The following STK32B variants were observed in gnomAD, a reference collection of about 807,000 sequenced individuals.
STK32B encodes serine/threonine kinase 32B.
In STK32B, 43 loss-of-function variants were observed where a neutral mutation model predicts 52.6. The observed-to-expected ratio is 0.82, with a 90% CI of 0.64 to 1.05. The LOEUF is 1.05. STK32B is among the 50% of genes least tolerant of loss of function. The pLI is 0.00. For missense variants in STK32B, 621 were observed against 534.6 expected, an observed-to-expected ratio of 1.16 and a Z score of -1.59; for synonymous variants, 238 against 204.3, an observed-to-expected ratio of 1.17 and a Z score of -1.41.
At chr4:5,260,715 A>G (rs1296171378) in intron 3 of STK32B, among the ~76,000 whole-genome samples, 5 of 152,208 alleles carry the variant, frequency 3.3e-5, no homozygotes, top group Non-Finnish European at 7.3e-5. Context: ...CTGGAGAAGT[A>G]GCCTGTGTTG....
chr4:5,289,582 C>A (rs1285296328), intron 3 of STK32B, among the ~76,000 whole-genome samples: 2 of 151,180 alleles, frequency 1.3e-5, no homozygotes, highest in East Asian at 3.9e-4. Context: ...TTACACCCAA[C>A]AAAATGGCTC....
At chr4:5,307,730 C>T (rs1303910827) in intron 3 of STK32B, among the ~76,000 whole-genome samples, 1 of 152,024 alleles carries the variant, frequency 6.6e-6, no homozygotes, top group Non-Finnish European at 1.5e-5. Context: ...ACCATATTTT[C>T]TGGTTCCTTC....
chr4:5,179,554 TGATA>T (rs914503857), intron 3 of STK32B, among the ~76,000 whole-genome samples: 2 of 152,116 alleles, frequency 1.3e-5, no homozygotes, highest in African/African-American at 4.8e-5. Context: ...GATTAACAGA[TGATA>T]GATATAGATG....
At chr4:5,111,359 A>G (rs138109035) in intron 1 of STK32B, among the ~76,000 whole-genome samples, 1 of 152,232 alleles carries the variant, frequency 6.6e-6, no homozygotes, top group East Asian at 1.9e-4. Flanking sequence ...CACAGAACCA[A>G]TCTAAGTGTC....
At chr4:5,480,102 A>G (rs1718566153) in intron 11 of STK32B, among the ~76,000 whole-genome samples, 2 of 152,234 alleles carry the variant, frequency 1.3e-5, no homozygotes, top group African/African-American at 4.8e-5. Flanking sequence ...GCACTACCCA[A>G]TGTTTCCTAG....
intron 6 of STK32B, among the ~76,000 whole-genome samples, chr4:5,425,393 T>G (rs1458748485): frequency 6.6e-6 from 1 of 152,234 alleles, no homozygotes. Flanking sequence ...CCAGAGAAAG[T>G]GGCAAAGCTG....
chr4:5,495,270 C>T (rs541323540), intron 11 of STK32B, among the ~76,000 whole-genome samples: 12 of 152,070 alleles, frequency 7.9e-5, no homozygotes, highest in Non-Finnish European at 1.3e-4. Flanking sequence ...AGGCTTTGTT[C>T]GTTTCTTTTT....
chr4:5,249,478 C>A (rs1725745568), intron 3 of STK32B, among the ~76,000 whole-genome samples: 1 of 143,080 alleles, frequency 7.0e-6, no homozygotes, highest in Admixed American at 7.0e-5. Context: ...TTCCTTCCTT[C>A]CTTCCTTCCT....
At chr4:5,094,822 A>G (rs1713291286) in intron 1 of STK32B, among the ~76,000 whole-genome samples, 1 of 152,014 alleles carries the variant, frequency 6.6e-6, no homozygotes, top group African/African-American at 2.4e-5. Flanking sequence ...CGGCGCCCCT[A>G]ACTCCCACAT....
chr4:5,395,201 C>A lies in STK32B; in HGVS notation c.435-3006C>A, dbSNP rs2109041785. 6.6e-6 allele frequency among the ~76,000 whole-genome samples: 1 copy of A among 152,278 alleles called. No homozygotes were observed. The highest frequency in any genetic ancestry group is 2.4e-5 in the African/African-American group (1 of 41,548). ...GTCTTGAGCTCTCACTCCAGTCTGC[C>A]AAGACAGAGTCATATAATGTAACAT... On this transcript the variant is annotated intron_variant, in intron 4 of 11. Coordinates refer to ENST00000282908, the MANE Select transcript of STK32B (RefSeq NM_018401.3). The surrounding 1 kb of genome is among the most constrained non-coding windows in gnomAD (Gnocchi z 4.4).
At chr4:5,281,310 T>C (rs1728183248) in intron 3 of STK32B, among the ~76,000 whole-genome samples, 1 of 152,072 alleles carries the variant, frequency 6.6e-6, no homozygotes, top group Non-Finnish European at 1.5e-5. Context: ...AATAATAACA[T>C]GATGTCCATT....
chr4:5,081,750 G>T (rs1231051311), intron 1 of STK32B, among the ~76,000 whole-genome samples: 2 of 151,870 alleles, frequency 1.3e-5, no homozygotes, highest in African/African-American at 2.4e-5. Context: ...CCATCTCTTT[G>T]TTAAACTTCT....
In STK32B at chr4:5,421,445, G is replaced by T. The variant is rs551499065; in HGVS notation, c.562+4511G>T. 2.2e-4 allele frequency among the ~76,000 whole-genome samples: 34 copies of T among 151,430 alleles called. 1 individual carries two copies. The South Asian group carries it at 6.3e-3, about 28-fold the overall frequency. Reference sequence around the variant, plus strand: ...TTACCACGTTGGCCAGGCTGGTCTTGAACTCCTGACATCAGGTGATCCATC... The same window carrying T: ...TTACCACGTTGGCCAGGCTGGTCTTTAACTCCTGACATCAGGTGATCCATC... On this transcript the variant is annotated intron_variant, in intron 6 of 11. Coordinates refer to ENST00000282908, the MANE Select transcript of STK32B (RefSeq NM_018401.3).
chr4:5,195,010 A>C lies in STK32B; in HGVS notation c.260+26560A>C, dbSNP rs1179086075. Among the ~76,000 whole-genome samples the C allele has an allele frequency of 2.0e-5, 3 of 152,224 alleles. No individual in the cohort carries two copies. The South Asian group carries it at 6.2e-4, about 32-fold the overall frequency. ...CCAACATTGGGGATTATAATTGAACATGAGATGTGGATGGGGACACAGATC... is the reference window on the plus strand; with the variant it reads ...CCAACATTGGGGATTATAATTGAACCTGAGATGTGGATGGGGACACAGATC... On this transcript the variant is annotated intron_variant, in intron 3 of 11. Coordinates refer to ENST00000282908, the MANE Select transcript of STK32B (RefSeq NM_018401.3).
rs1327368215 is a variant in STK32B at position 5,315,791 on chromosome 4, GC to G, written c.261-15427del. On this transcript the variant is annotated intron_variant, in intron 3 of 11. Transcript: ENST00000282908. ...GCAATCTCAGCTCACTGCAACCTCT[GC>G]CTCCTGGGTTCAAGCTATTCTCCTG... 3.3e-5 allele frequency among the ~76,000 whole-genome samples: 5 copies of G among 150,008 alleles called. No individual in the cohort carries two copies. The East Asian group carries it at 1.0e-3, about 30-fold the overall frequency.
At chr4:5,285,094 A>G (rs1280044289) in intron 3 of STK32B, among the ~76,000 whole-genome samples, 1 of 152,228 alleles carries the variant, frequency 6.6e-6, no homozygotes, top group Non-Finnish European at 1.5e-5. Context: ...TAAGATTGTC[A>G]TAATAGCATT....
intron 3 of STK32B, among the ~76,000 whole-genome samples, chr4:5,210,916 C>G (rs1722866714): frequency 2.0e-5 from 3 of 152,028 alleles, no homozygotes; most frequent in African/African-American, 7.2e-5. Context: ...CCACCTCAGC[C>G]CCATGAGTAG....
In STK32B at chr4:5,061,105, A is replaced by G. The variant is rs181657678; in HGVS notation, c.52+9190A>G. Among the ~76,000 whole-genome samples, 61 of 152,302 alleles carry G rather than the reference A, an allele frequency of 4.0e-4. 1 individual carries two copies. The highest frequency in any genetic ancestry group is 1.4e-3 in the African/African-American group (57 of 41,552). On this transcript the variant is annotated intron_variant, in intron 1 of 11. Coordinates refer to ENST00000282908, the MANE Select transcript of STK32B (RefSeq NM_018401.3). ...TCTGACATTTTCCCCTTCTCCTTAC[A>G]TTATCAAACTCAAATTGCAAAAGCA...
intron 4 of STK32B, among the ~76,000 whole-genome samples, chr4:5,371,753 C>G (rs1418860265): frequency 6.6e-6 from 1 of 152,244 alleles, no homozygotes; most frequent in Non-Finnish European, 1.5e-5. Flanking sequence ...CCGTAATAAA[C>G]AGTGCATCTG....
Sources: gnomAD v4.1 joint callset for allele counts (sites outside exome capture counted in the v4.1 genomes callset) on GRCh38, gnomAD v4.1.1 for gene constraint, Gnocchi (gnomAD v3.1) non-coding constraint, MANE v1.5 for transcripts, NCBI Gene and HGNC (gene_info 2026-07-23, HGNC 2026-07-21) for gene names.